The following CPA3 variants were observed in gnomAD, a reference collection of about 807,000 sequenced individuals.
CPA3 encodes the protein carboxypeptidase A3, also known as mast cell carboxypeptidase A.
Under a neutral mutation model 55.8 loss-of-function variants are expected in CPA3, and 52 were observed. The observed-to-expected ratio is 0.93, with a 90% CI of 0.75 to 1.17. The LOEUF (loss-of-function observed/expected upper bound fraction) is 1.17. Among genes scored for constraint, CPA3 ranks in the 50% most tolerant of loss-of-function variants. The pLI, the probability that CPA3 is intolerant of heterozygous loss-of-function variation, is 0.00. For missense variants in CPA3, 547 were observed against 509.1 expected, an observed-to-expected ratio of 1.07 and a Z score of -0.72; for synonymous variants, 179 against 171.2, an observed-to-expected ratio of 1.05 and a Z score of -0.36.
rs145611901 is a variant in CPA3 at position 148,883,825 on chromosome 3, C to A, written c.981+10C>A. On this transcript the variant is annotated intron_variant, in intron 9 of 10. Transcript: ENST00000296046. ...TAACCATGAGGACTTGGTACGTAGA[C>A]AAAAGTTTGCACTTCATGCATCGAC... 1.2e-6 allele frequency: 2 copies of A among 1,601,994 alleles called. No homozygotes were observed. The highest frequency in any genetic ancestry group is 2.2e-5 in the East Asian group (1 of 44,802).
chr3:148,875,062 C>T (rs948752864), intron 3 of CPA3, among the ~76,000 whole-genome samples: 4 of 152,114 alleles, frequency 2.6e-5, no homozygotes, highest in South Asian at 4.1e-4. Context: ...ATCACATGTT[C>T]GTATTATGTA....
At chr3:148,893,084 A>G (rs1297585361) in intron 10 of CPA3, among the ~76,000 whole-genome samples, 1 of 152,218 alleles carries the variant, frequency 6.6e-6, no homozygotes, top group African/African-American at 2.4e-5. Context: ...TTTATTATTT[A>G]ATGTAATAGC....
At chr3:148,875,254 T>G (rs188640797) in intron 3 of CPA3, among the ~76,000 whole-genome samples, 2 of 152,308 alleles carry the variant, frequency 1.3e-5, no homozygotes, top group African/African-American at 4.8e-5. Flanking sequence ...AAAAAATACA[T>G]GTGCATTTCA....
intron 3 of CPA3, among the ~76,000 whole-genome samples, chr3:148,877,379 A>G (rs182458477): frequency 6.6e-6 from 1 of 152,320 alleles, no homozygotes; most frequent in East Asian, 1.9e-4. Flanking sequence ...CTGTAATTCC[A>G]GCTGCTCAGG....
intron 10 of CPA3, among the ~76,000 whole-genome samples, chr3:148,889,832 T>C (rs941540923): frequency 7.4e-6 from 1 of 135,520 alleles, no homozygotes. Flanking sequence ...ATCACGCCAC[T>C]GCACTTCAGC....
chr3:148,878,739 T>G lies in CPA3; in HGVS notation c.465T>G (p.Tyr155Ter), dbSNP rs61733456. 5 of 1,569,814 alleles carry G rather than the reference T, an allele frequency of 3.2e-6. No individual in the cohort carries two copies. In the African/African-American group the frequency reaches 5.4e-5, roughly 17 times the overall value. The change falls in exon 5 of 11, where the codon TAT (tyrosine) becomes TAG (stop). Residue 155 changes from tyrosine (Y) to a stop codon, truncating the protein, a stop_gained. Coordinates refer to ENST00000296046, the MANE Select transcript of CPA3 (RefSeq NM_001870.4). LOFTEE classifies it high-confidence loss of function. The part of the protein sequence containing the change: ...IGSTVEDNPL[Y>*]VLKIGEKNER... ...CTACTGTTGAAGATAATCCACTATA[T>G]GTTCTGAAGGTAAAAATAACTCAAG...
chr3:148,892,648 A>G (rs892036674), intron 10 of CPA3, among the ~76,000 whole-genome samples: 2 of 151,858 alleles, frequency 1.3e-5, no homozygotes, highest in African/African-American at 4.8e-5. Flanking sequence ...GTGAGACTCT[A>G]TCTCAAAAAC....
intron 3 of CPA3, among the ~76,000 whole-genome samples, chr3:148,876,850 C>G (rs1460404757): frequency 6.6e-6 from 1 of 152,090 alleles, no homozygotes; most frequent in Non-Finnish European, 1.5e-5. Flanking sequence ...AAATAAAATA[C>G]TTGCATATAT....
At chr3:148,867,719 G>T (rs115054757) in intron 2 of CPA3, among the ~76,000 whole-genome samples, 2,464 of 152,262 alleles carry the variant, frequency 0.016, 67 homozygotes, top group African/African-American at 0.056. Context: ...GGTAGAGGGG[G>T]ACTCAACCAA....
chr3:148,871,024 G>A (rs928948843), intron 3 of CPA3, among the ~76,000 whole-genome samples: 2 of 152,172 alleles, frequency 1.3e-5, no homozygotes, highest in South Asian at 2.1e-4. Flanking sequence ...TCAGCCTCCC[G>A]AGTAGCTTAT....
intron 2 of CPA3, among the ~76,000 whole-genome samples, chr3:148,867,780 GC>G (rs1302971378): frequency 4.6e-5 from 7 of 152,216 alleles, no homozygotes; most frequent in African/African-American, 1.7e-4. Flanking sequence ...TGGAAATTGA[GC>G]TTTTCCTTCA....
chr3:148,880,754 G>A (rs932572776), intron 6 of CPA3, among the ~76,000 whole-genome samples: 3 of 152,052 alleles, frequency 2.0e-5, no homozygotes, highest in African/African-American at 7.2e-5. Context: ...TTTTGCACAT[G>A]GCACAGTGGT....
chr3:148,868,972 T>G lies in CPA3; in HGVS notation c.202T>G (p.Phe68Val). 3.7e-6 allele frequency: 6 copies of G among 1,614,086 alleles called. No homozygotes were observed. Among genetic ancestry groups the G allele is most frequent in the Non-Finnish European group, 5.1e-6 (6 of 1,179,980 alleles). Reference protein sequence around the residue: ...HHVAANMMVDFRVSEKESQAI... With the variant: ...HHVAANMMVDVRVSEKESQAI... ...CGTAGCTGCTAATATGATGGTGGAT[T>G]TCCGAGTTAGTGAGAAGGAATCCCA... Residue 68 changes from phenylalanine (F) to valine (V), a missense_variant, in exon 3 of 11, where the codon TTC becomes GTC. Coordinates refer to ENST00000296046, the MANE Select transcript of CPA3 (RefSeq NM_001870.4).
chr3:148,873,675 T>A (rs1714132371), intron 3 of CPA3, among the ~76,000 whole-genome samples: 2 of 152,186 alleles, frequency 1.3e-5, no homozygotes, highest in South Asian at 4.1e-4. Flanking sequence ...GGCACTATTG[T>A]ACAATGGCTC....
chr3:148,878,614 T>C (rs757650636), intron 4 of CPA3, 33 bp from the exon 5 acceptor site: 83 of 1,575,358 alleles, frequency 5.3e-5, no homozygotes, highest in Non-Finnish European at 7.2e-5. Context: ...TTTTCTTTTA[T>C]TCTAATTTCT....
chr3:148,865,456 C>A lies in CPA3; in HGVS notation c.69-17C>A. On this transcript the variant is annotated splice_polypyrimidine_tract_variant and intron_variant, in intron 1 of 10. Coordinates refer to ENST00000296046, the MANE Select transcript of CPA3 (RefSeq NM_001870.4). Reference sequence around the variant, plus strand: ...TCCTTACAGTTCACTTTTTTTTTTTCATTTGCCTCCACAAAGGGAGAAGGT... The same window carrying A: ...TCCTTACAGTTCACTTTTTTTTTTTAATTTGCCTCCACAAAGGGAGAAGGT... The A allele has an allele frequency of 6.3e-7, 1 of 1,589,464 alleles. No homozygotes were observed. Among genetic ancestry groups the A allele is most frequent in the African/African-American group, 1.4e-5 (1 of 72,472 alleles).
chr3:148,891,477 CACAT>C (rs1423148817), intron 10 of CPA3, among the ~76,000 whole-genome samples: 2 of 46,002 alleles, frequency 4.3e-5, no homozygotes, highest in East Asian at 1.6e-3. Flanking sequence ...AAGACCCTGT[CACAT>C]ACACACACAC....
At chr3:148,868,618 G>A (rs1413383720) in intron 2 of CPA3, among the ~76,000 whole-genome samples, 1 of 151,516 alleles carries the variant, frequency 6.6e-6, no homozygotes, top group African/African-American at 2.4e-5. Flanking sequence ...TCCCAAAATT[G>A]TGGAAGAAAA....
intron 9 of CPA3, among the ~76,000 whole-genome samples, chr3:148,884,611 C>T (rs961003907): frequency 2.0e-5 from 3 of 152,130 alleles, no homozygotes; most frequent in African/African-American, 4.8e-5. Context: ...AATTTTCATT[C>T]TGACCTCAGT....
Sources: gnomAD v4.1 joint callset for allele counts (sites outside exome capture counted in the v4.1 genomes callset) on GRCh38, gnomAD v4.1.1 for gene constraint, MANE v1.5 for transcripts, NCBI Gene and HGNC (gene_info 2026-07-23, HGNC 2026-07-21) for gene names.